RAVER2: variants seen among roughly 807,000 people sequenced by gnomAD.
RAVER2 encodes the protein ribonucleoprotein, PTB binding 2, also known as ribonucleoprotein PTB-binding 2.
RAVER2 carries 46 observed loss-of-function variants against 78.1 expected under a neutral mutation model. The observed-to-expected ratio is 0.59, with a 90% confidence interval of 0.46 to 0.75. The LOEUF (loss-of-function observed/expected upper bound fraction) is 0.75, where lower values mean the gene tolerates loss of function less well. Among genes scored for constraint, RAVER2 ranks in the 30% least tolerant of loss-of-function variants. RAVER2 has a pLI of 0.00. For missense variants in RAVER2, 793 were observed against 837.5 expected (o/e 0.95, Z 0.66); for synonymous variants, 311 against 313.3 (o/e 0.99, Z 0.08).
At chr1:64,812,143 G>A (rs1052032590) in intron 9 of RAVER2, among the ~76,000 whole-genome samples, 50 of 152,010 alleles carry the variant, frequency 3.3e-4, no homozygotes, top group African/African-American at 1.1e-3. Context: ...GGGGCATCAC[G>A]AAGGTCAGGA....
exon 4 of RAVER2, chr1:64,781,437 G>A: frequency 1.2e-6 from 2 of 1,613,756 alleles, no homozygotes; most frequent in Non-Finnish European, 1.7e-6. Flanking sequence ...ATATAGCACT[G>A]CGGAGCAGGC....
intron 2 of RAVER2, among the ~76,000 whole-genome samples, chr1:64,773,866 C>T (rs574853598): frequency 1.2e-4 from 19 of 152,096 alleles, no homozygotes; most frequent in Admixed American, 9.8e-4. Context: ...TTTTAATGAT[C>T]GCCATTCTAA....
chr1:64,756,772 A>C (rs1206790472), intron 1 of RAVER2, among the ~76,000 whole-genome samples: 1 of 152,160 alleles, frequency 6.6e-6, no homozygotes, highest in Admixed American at 6.5e-5. Context: ...TAGTTATCCT[A>C]TCTCCTTAGT....
chr1:64,756,221 T>A (rs1651853620), intron 1 of RAVER2, among the ~76,000 whole-genome samples: 1 of 152,180 alleles, frequency 6.6e-6, no homozygotes, highest in Non-Finnish European at 1.5e-5. Context: ...TTGATAAAGT[T>A]CACTTTGATC....
chr1:64,756,057 A>G (rs1338555448), intron 1 of RAVER2, among the ~76,000 whole-genome samples: 1 of 152,144 alleles, frequency 6.6e-6, no homozygotes, highest in African/African-American at 2.4e-5. Flanking sequence ...AATGTCCTTT[A>G]CAGTGAAAGA....
chr1:64,796,003 G>C (rs1653085612), intron 5 of RAVER2, among the ~76,000 whole-genome samples: 1 of 151,840 alleles, frequency 6.6e-6, no homozygotes, highest in Non-Finnish European at 1.5e-5. Context: ...TAGCATGATG[G>C]TTGCTGGAAC....
chr1:64,768,599 G>C, intron 1 of RAVER2, 57 bp from the exon 2 acceptor site: 4 of 1,097,104 alleles, frequency 3.6e-6, no homozygotes, highest in Non-Finnish European at 5.6e-6. Flanking sequence ...AATAGAGCTA[G>C]ATTATCTAGT....
At chr1:64,772,032 T>A (rs963480217) in intron 2 of RAVER2, among the ~76,000 whole-genome samples, 1 of 152,102 alleles carries the variant, frequency 6.6e-6, no homozygotes, top group African/African-American at 2.4e-5. Context: ...TAGTAGACCA[T>A]GCAATGACTT....
At chr1:64,786,294 CTG>C (rs1281879554) in intron 4 of RAVER2, among the ~76,000 whole-genome samples, 1 of 152,292 alleles carries the variant, frequency 6.6e-6, no homozygotes, top group East Asian at 1.9e-4. Context: ...ATTTGGAAGA[CTG>C]TGAACCCTTT....
At chr1:64,809,333 C>T (rs1320134462) in intron 9 of RAVER2, among the ~76,000 whole-genome samples, 2 of 152,024 alleles carry the variant, frequency 1.3e-5, no homozygotes, top group Admixed American at 6.6e-5. Context: ...AGGGGTTGTA[C>T]CAGGTAACCT....
chr1:64,753,211 G>T lies in RAVER2; in HGVS notation c.249+7790G>T, dbSNP rs144926220. On this transcript the variant is annotated intron_variant, in intron 1 of 11. Coordinates refer to ENST00000294428, the Ensembl canonical transcript of RAVER2. ...TGGGACCACAGATGCATATAACCAT[G>T]CTGGCTAATATTTTGAATTTTTTTC... is the stretch of plus-strand genomic sequence containing the variant. Among the ~76,000 whole-genome samples, 28 of 152,158 alleles carry T rather than the reference G, an allele frequency of 1.8e-4. No homozygotes were observed. In the East Asian group the frequency reaches 4.6e-3, roughly 25 times the overall value.
chr1:64,751,763 T>A (rs1049296776), intron 1 of RAVER2, among the ~76,000 whole-genome samples: 2 of 152,160 alleles, frequency 1.3e-5, no homozygotes, highest in South Asian at 4.1e-4. Flanking sequence ...TTTGTAAATT[T>A]ATTTTTAATT....
At chr1:64,830,946 T>C in exon 12 of RAVER2, 1 of 1,613,810 alleles carries the variant, frequency 6.2e-7, no homozygotes, top group Non-Finnish European at 8.5e-7. Context: ...CAGGAGCATA[T>C]TACATGGAAA....
intron 5 of RAVER2, among the ~76,000 whole-genome samples, chr1:64,793,023 C>T (rs1364758559): frequency 7.9e-5 from 12 of 151,976 alleles, no homozygotes; most frequent in African/African-American, 2.7e-4. Flanking sequence ...GCCAACATGG[C>T]GAAACCCCAT....
At chr1:64,795,576 A>T (rs767146930) in intron 5 of RAVER2, among the ~76,000 whole-genome samples, 20 of 152,150 alleles carry the variant, frequency 1.3e-4, no homozygotes, top group Non-Finnish European at 2.9e-4. Flanking sequence ...GTTATTTTAG[A>T]TGGTACTGCT....
intron 5 of RAVER2, among the ~76,000 whole-genome samples, chr1:64,792,541 C>T (rs1376523198): frequency 6.6e-6 from 1 of 152,176 alleles, no homozygotes; most frequent in African/African-American, 2.4e-5. Flanking sequence ...AAATATTCTC[C>T]ACTCTGCTGT....
intron 5 of RAVER2, among the ~76,000 whole-genome samples, chr1:64,800,131 GT>G (rs200005863): frequency 5.1e-4 from 70 of 137,650 alleles, no homozygotes; most frequent in African/African-American, 6.3e-4. Context: ...TTTGTTTTTT[GT>G]TTTTTTTTTT....
intron 3 of RAVER2, among the ~76,000 whole-genome samples, chr1:64,779,391 T>G (rs1182099403): frequency 1.3e-5 from 1 of 79,488 alleles, no homozygotes; most frequent in Non-Finnish European, 2.5e-5. Context: ...TTTTTAACAT[T>G]TTTTTTTTGA....
intron 4 of RAVER2, among the ~76,000 whole-genome samples, chr1:64,787,520 C>T (rs926774447): frequency 6.6e-6 from 1 of 152,206 alleles, no homozygotes; most frequent in Non-Finnish European, 1.5e-5. Flanking sequence ...CACCCCTGCT[C>T]TTTTCCAAGT....
Sources: gnomAD v4.1 joint callset for allele counts (sites outside exome capture counted in the v4.1 genomes callset) on GRCh38, gnomAD v4.1.1 for gene constraint, MANE v1.5 for transcripts, NCBI Gene and HGNC (gene_info 2026-07-23, HGNC 2026-07-21) for gene names.